Variants in GABBR2 observed in about 807,000 individuals in gnomAD.
The protein encoded by GABBR2 is gamma-aminobutyric acid type B receptor subunit 2.
A neutral mutation model predicts 105.6 loss-of-function variants in GABBR2; 23 were observed. That is an observed-to-expected ratio of 0.22 (90% CI 0.16 to 0.31). GABBR2 has a LOEUF of 0.31. Among genes scored for constraint, GABBR2 ranks in the 10% least tolerant of loss-of-function variants. The probability of loss-of-function intolerance (pLI) is 1.00; values close to 1 mark genes in which losing one functional copy is unlikely to be tolerated. For synonymous variants in GABBR2, 478 were observed against 499.7 expected, an observed-to-expected ratio of 0.96 and a Z score of 0.58; for missense variants, 734 against 1,245.5, an observed-to-expected ratio of 0.59 and a Z score of 6.18.
intron 13 of GABBR2, among the ~76,000 whole-genome samples, chr9:98,353,716 T>C (rs746077268): frequency 6.6e-6 from 1 of 152,220 alleles, no homozygotes; most frequent in South Asian, 2.1e-4. Context: ...ATGGTTTGGC[T>C]GTGTCTCCAC....
At chr9:98,475,359 G>A (rs7030822) in intron 5 of GABBR2, among the ~76,000 whole-genome samples, 3,204 of 149,860 alleles carry the variant, frequency 0.021, 105 homozygotes, top group African/African-American at 0.075. Context: ...AAAAAAAAAA[G>A]AAAAGAAAAG....
At chr9:98,476,623 G>A (rs1247817128) in intron 5 of GABBR2, among the ~76,000 whole-genome samples, 1 of 152,154 alleles carries the variant, frequency 6.6e-6, no homozygotes, top group Non-Finnish European at 1.5e-5. Flanking sequence ...TCTCCTCTTG[G>A]TAACCCATAG....
At chr9:98,412,489 T>C (rs545911769) in intron 7 of GABBR2, among the ~76,000 whole-genome samples, 2 of 152,258 alleles carry the variant, frequency 1.3e-5, no homozygotes, top group South Asian at 4.2e-4. Context: ...CAGGAAAATG[T>C]CTTAAGTTAA....
intron 1 of GABBR2, among the ~76,000 whole-genome samples, chr9:98,609,595 C>G (rs1310303657): frequency 6.6e-6 from 1 of 152,170 alleles, no homozygotes; most frequent in African/African-American, 2.4e-5. Flanking sequence ...AGTGGCAAAA[C>G]TGGTTGAAGG....
intron 2 of GABBR2, among the ~76,000 whole-genome samples, chr9:98,565,920 G>A (rs1828745056): frequency 1.3e-5 from 2 of 152,190 alleles, no homozygotes; most frequent in Admixed American, 1.3e-4. Context: ...CACAACACTG[G>A]ACGGGGCAGT....
At chr9:98,594,694 C>T (rs1487999999) in intron 1 of GABBR2, among the ~76,000 whole-genome samples, 1 of 152,226 alleles carries the variant, frequency 6.6e-6, no homozygotes, top group Non-Finnish European at 1.5e-5. Flanking sequence ...GAGGGAGGTG[C>T]AGACCTGCAC....
intron 1 of GABBR2, among the ~76,000 whole-genome samples, chr9:98,632,919 A>C (rs1829832503): frequency 2.0e-5 from 3 of 152,226 alleles, no homozygotes; most frequent in Non-Finnish European, 4.4e-5. Flanking sequence ...CTAAGAGCAA[A>C]GAAGTGCAGT....
chr9:98,502,710 G>A (rs1378423427), intron 3 of GABBR2, among the ~76,000 whole-genome samples: 1 of 152,204 alleles, frequency 6.6e-6, no homozygotes, highest in Non-Finnish European at 1.5e-5. Context: ...GCCCTGGGGT[G>A]CAGCCCCCAG....
intron 13 of GABBR2, among the ~76,000 whole-genome samples, chr9:98,327,844 G>C (rs1267077344): frequency 6.7e-6 from 1 of 148,808 alleles, no homozygotes; most frequent in African/African-American, 2.5e-5. Context: ...ACTCCAGCCT[G>C]GGTGACAGAG....
chr9:98,528,615 T>A (rs1222435874), intron 3 of GABBR2, among the ~76,000 whole-genome samples: 4 of 151,176 alleles, frequency 2.6e-5, no homozygotes, highest in Non-Finnish European at 5.9e-5. Context: ...TATAAATCAG[T>A]AAAAAAAAGA....
intron 6 of GABBR2, among the ~76,000 whole-genome samples, chr9:98,462,328 C>T (rs1953086): frequency 0.41 from 62,310 of 151,960 alleles, 14,283 homozygotes; most frequent in Non-Finnish European, 0.51. Context: ...TTAGGAATAT[C>T]TATTCATCAA....
At chr9:98,447,063 CTTTT>C (rs369338702) in intron 7 of GABBR2, among the ~76,000 whole-genome samples, 2 of 116,350 alleles carry the variant, frequency 1.7e-5, no homozygotes, top group African/African-American at 3.5e-5. Context: ...AAAAAGACTT[CTTTT>C]TTTTTTTTTT....
At position 98,480,979 on chromosome 9, in the gene GABBR2, T is replaced by C. The variant is rs1588185283; in HGVS notation, c.751A>G (p.Ile251Val). 1.9e-6 allele frequency: 3 copies of C among 1,605,010 alleles called. No homozygotes were observed. The highest frequency in any genetic ancestry group is 2.6e-6 in the Non-Finnish European group (3 of 1,171,686). Residue 251 changes from isoleucine to valine, a missense_variant, in exon 5 of 19, where the codon ATC (isoleucine) becomes GTC (valine). Around this residue, in one of 7 missense-constraint regions of GABBR2, gnomAD observed 370 missense variants for 648.9 expected, o/e 0.57. Coordinates refer to ENST00000259455, the MANE Select transcript of GABBR2 (RefSeq NM_005458.8). ...KKLKGNDVRI[I>V]LGQFDQNMAA... ...ATATTCTGGTCAAACTGGCCAAGGA[T>C]GATCCGCACATCATTCCCCTGTGGA...
chr9:98,408,369 G>A (rs2131533007), intron 7 of GABBR2, among the ~76,000 whole-genome samples: 1 of 152,328 alleles, frequency 6.6e-6, no homozygotes, highest in Admixed American at 6.5e-5. Context: ...TGGAGACACG[G>A]ATGTGTAACT....
chr9:98,565,809 T>C, intron 2 of GABBR2, among the ~76,000 whole-genome samples: 1 of 152,180 alleles, frequency 6.6e-6, no homozygotes, highest in Non-Finnish European at 1.5e-5. Context: ...CCCCAGCCTA[T>C]CTGCCCAAGC....
intron 16 of GABBR2, among the ~76,000 whole-genome samples, chr9:98,300,315 C>A (rs189437770): frequency 2.0e-5 from 3 of 151,766 alleles, no homozygotes; most frequent in African/African-American, 7.3e-5. Context: ...GTCATCCCCA[C>A]GTTTTTATTT....
intron 1 of GABBR2, among the ~76,000 whole-genome samples, chr9:98,582,593 C>T (rs1394607392): frequency 2.6e-5 from 4 of 152,126 alleles, no homozygotes. Flanking sequence ...GCATAGAAAG[C>T]AAATACACTC....
intron 7 of GABBR2, among the ~76,000 whole-genome samples, chr9:98,417,156 C>T (rs762331811): frequency 1.3e-5 from 2 of 152,170 alleles, no homozygotes; most frequent in Admixed American, 6.5e-5. Flanking sequence ...CTATTGGTTA[C>T]GTTGCACTGA....
chr9:98,560,782 G>GTATATATATATATA (rs35347663), intron 2 of GABBR2, among the ~76,000 whole-genome samples: 2 of 145,346 alleles, frequency 1.4e-5, no homozygotes, highest in African/African-American at 5.0e-5. Flanking sequence ...ATATAGTAGT[G>GTATATATATATATA]TATATATATA....
Sources: gnomAD v4.1 joint callset for allele counts (sites outside exome capture counted in the v4.1 genomes callset) on GRCh38, gnomAD v4.1.1 for gene constraint, gnomAD v4.1.1 regional missense constraint, MANE v1.5 for transcripts, NCBI Gene and HGNC (gene_info 2026-07-23, HGNC 2026-07-21) for gene names.